The following GCSAML variants were observed in gnomAD, a reference collection of about 807,000 sequenced individuals.
GCSAML encodes the protein germinal center-associated signaling and motility-like protein.
In GCSAML, 9 loss-of-function variants were observed where a neutral mutation model predicts 13.0. That is an observed-to-expected ratio of 0.69 (90% CI 0.42 to 1.21). GCSAML has a LOEUF of 1.21. Ranked by LOEUF, GCSAML falls within the 50% of genes most tolerant of loss-of-function variation. GCSAML has a pLI of 0.00. For missense variants in GCSAML, 143 were observed against 153.4 expected, an observed-to-expected ratio of 0.93 and a Z score of 0.36; for synonymous variants, 37 against 52.9, an observed-to-expected ratio of 0.70 and a Z score of 1.31.
chr1:247,511,988 G>A (rs1666055446), intron 1 of GCSAML, among the ~76,000 whole-genome samples: 1 of 152,000 alleles, frequency 6.6e-6, no homozygotes, highest in Non-Finnish European at 1.5e-5. Context: ...TGTGTCTTGG[G>A]GTTGCTCTTC....
chr1:247,518,175 C>T (rs1666281405), intron 1 of GCSAML, among the ~76,000 whole-genome samples: 1 of 152,230 alleles, frequency 6.6e-6, no homozygotes, highest in South Asian at 2.1e-4. Context: ...CTGGTCTGGC[C>T]TGGCCGCGCC....
At chr1:247,531,760 A>G in intron 2 of GCSAML, 1 of 1,614,210 alleles carries the variant, frequency 6.2e-7, no homozygotes, top group African/African-American at 1.3e-5. Context: ...CCCGTAAAAC[A>G]GAGACACCAC....
At chr1:247,571,648 C>T (rs1356293279) in intron 4 of GCSAML, among the ~76,000 whole-genome samples, 1 of 152,160 alleles carries the variant, frequency 6.6e-6, no homozygotes, top group African/African-American at 2.4e-5. Context: ...TCCTTCATTT[C>T]AACGTCGGTG....
intron 1 of GCSAML, among the ~76,000 whole-genome samples, chr1:247,512,289 T>A (rs1431349184): frequency 1.3e-5 from 2 of 151,888 alleles, no homozygotes; most frequent in African/African-American, 4.8e-5. Flanking sequence ...TTTCTTCTGC[T>A]TGATCAATTC....
In GCSAML at chr1:247,555,284, C is replaced by T. The variant is rs190182974; in HGVS notation, c.30-1123C>T. On this transcript the variant is annotated intron_variant, in intron 1 of 4. Transcript: ENST00000366488. The stretch of plus-strand genomic sequence containing the variant: ...ATTGACCAGTTTAGGAAGATGGAAT[C>T]GTGAGAAAACTAGACTCCAGGAAAA... Among the ~76,000 whole-genome samples the T allele has an allele frequency of 1.8e-4, 27 of 152,148 alleles. No homozygotes were observed. In the East Asian group the frequency reaches 4.4e-3, roughly 25 times the overall value.
chr1:247,537,602 C>T (rs1667264616), intron 2 of GCSAML, among the ~76,000 whole-genome samples: 1 of 152,216 alleles, frequency 6.6e-6, no homozygotes, highest in Admixed American at 6.5e-5. Flanking sequence ...TACATTTCTA[C>T]AAGCAATTTG....
chr1:247,565,812 C>G, intron 3 of GCSAML, 119 bp from the exon 4 acceptor site: 2 of 716,218 alleles, frequency 2.8e-6, no homozygotes, highest in Non-Finnish European at 4.6e-6. Context: ...GATAATAGGC[C>G]TCTGCAGTTT....
At chr1:247,522,478 G>A (rs886607461) in intron 1 of GCSAML, among the ~76,000 whole-genome samples, 2 of 100,144 alleles carry the variant, frequency 2.0e-5, no homozygotes, top group South Asian at 6.9e-4. Context: ...TAGAAAAGGG[G>A]GAAATGTGGG....
chr1:247,520,521 C>G (rs1666377068), intron 1 of GCSAML, among the ~76,000 whole-genome samples: 1 of 107,230 alleles, frequency 9.3e-6, no homozygotes, highest in African/African-American at 3.3e-5. Context: ...AGTACCCCCA[C>G]CTCTTCACAC....
chr1:247,532,236 G>T (rs1572319580), intron 2 of GCSAML: 2 of 1,614,102 alleles, frequency 1.2e-6, no homozygotes, highest in Non-Finnish European at 1.7e-6. Flanking sequence ...CATAGCTTAT[G>T]GTTTTCTGTG....
chr1:247,572,887 A>G (rs1218771034), intron 4 of GCSAML, among the ~76,000 whole-genome samples: 1 of 152,186 alleles, frequency 6.6e-6, no homozygotes, highest in Non-Finnish European at 1.5e-5. Context: ...AGAAATATAG[A>G]GAGGCAGTCT....
intron 4 of GCSAML, among the ~76,000 whole-genome samples, chr1:247,566,225 T>A (rs1668356523): frequency 6.6e-6 from 1 of 152,170 alleles, no homozygotes; most frequent in African/African-American, 2.4e-5. Context: ...GCCTCAATTC[T>A]GCTGAAGTCT....
intron 1 of GCSAML, among the ~76,000 whole-genome samples, chr1:247,553,453 A>G (rs1290054860): frequency 6.6e-6 from 1 of 152,172 alleles, no homozygotes; most frequent in Non-Finnish European, 1.5e-5. Flanking sequence ...CAGAATTCTT[A>G]GGCATCATTT....
At chr1:247,564,433 T>C (rs1668263430) in intron 3 of GCSAML, among the ~76,000 whole-genome samples, 1 of 151,392 alleles carries the variant, frequency 6.6e-6, no homozygotes, top group South Asian at 2.1e-4. Context: ...TATCTAGGTA[T>C]AGTAATCATG....
Position 247,522,293 on chromosome 1 carries a change from A to G in GCSAML, c.-262-4647A>G, listed in dbSNP as rs1666474886. On this transcript the variant is annotated intron_variant, in intron 1 of 5. Coordinates refer to the GCSAML transcript ENST00000366489. ...CGGCTAGCCGCCCTGTCCGGGAGGG[A>G]GGTGGGGGGCGCCTCCACCTGGCCG... Among the ~76,000 whole-genome samples the G allele has an allele frequency of 2.0e-5, 2 of 100,524 alleles. 1 individual carries two copies. The highest frequency in any genetic ancestry group is 7.1e-5 in the African/African-American group (2 of 28,108). 65.9% of individuals were successfully genotyped at this position (100,524 alleles called of 152,430 possible).
At chr1:247,547,585 G>T (rs1468583601), upstream of GCSAML, among the ~76,000 whole-genome samples, 1 of 152,228 alleles carries the variant, frequency 6.6e-6, no homozygotes, top group East Asian at 1.9e-4. Flanking sequence ...AATTTTAGTA[G>T]GGAACAGGAG....
chr1:247,523,997 T>TACAC (rs34257635), intron 1 of GCSAML, among the ~76,000 whole-genome samples: 17,851 of 147,610 alleles, frequency 0.12, 1,125 homozygotes, highest in Non-Finnish European at 0.16. Context: ...ACATCTGTCT[T>TACAC]ACACACACAC....
chr1:247,531,649 G>C (rs746952956), intron 2 of GCSAML: 1 of 1,614,122 alleles, frequency 6.2e-7, no homozygotes, highest in East Asian at 2.2e-5. Flanking sequence ...GTAAATAAGT[G>C]GGTTCAGCGC....
At chr1:247,531,695 T>G (rs766112618) in intron 2 of GCSAML, 2 of 1,614,172 alleles carry the variant, frequency 1.2e-6, no homozygotes, top group South Asian at 2.2e-5. Flanking sequence ...GCTATGAACT[T>G]GCCCTGCTCA....
Sources: allele counts gnomAD v4.1 joint callset (sites outside exome capture counted in the v4.1 genomes callset), GRCh38; gene constraint gnomAD v4.1.1; transcripts MANE v1.5; gene names NCBI Gene and HGNC (gene_info 2026-07-23, HGNC 2026-07-21).